Variants in CDC25A observed in about 807,000 individuals in gnomAD.
CDC25A encodes the protein cell division cycle 25A.
Under a neutral mutation model 64.6 loss-of-function variants are expected in CDC25A, and 17 were observed. That is an observed-to-expected ratio of 0.26 (90% CI 0.18 to 0.39). The LOEUF (loss-of-function observed/expected upper bound fraction) is 0.39, where lower values mean the gene tolerates loss of function less well. Ranked by LOEUF, CDC25A falls within the 10% of genes least tolerant of loss-of-function variation. The probability of loss-of-function intolerance (pLI) is 1.00; values close to 1 mark genes in which losing one functional copy is unlikely to be tolerated. For synonymous variants in CDC25A, 229 were observed against 238.6 expected, an observed-to-expected ratio of 0.96 and a Z score of 0.37; for missense variants, 473 against 654.8, an observed-to-expected ratio of 0.72 and a Z score of 3.03.
chr3:48,164,291 T>C lies in CDC25A; in HGVS notation c.1322+16A>G. 6.5e-7 allele frequency: 1 copy of C among 1,540,516 alleles called. No individual in the cohort carries two copies. The highest frequency in any genetic ancestry group is 8.7e-7 in the Non-Finnish European group (1 of 1,148,560). ...TGGAGCCTGTGCCCCAGAACCCAGT[T>C]CCGTGCAGCACTCACATGCGGGGAC... On this transcript the variant is annotated intron_variant, in intron 13 of 14. Transcript: ENST00000302506.
intron 13 of CDC25A, among the ~76,000 whole-genome samples, chr3:48,159,772 C>T (rs1444949396): frequency 6.6e-6 from 1 of 152,176 alleles, no homozygotes; most frequent in Admixed American, 6.6e-5. Flanking sequence ...CTTGCTTTCT[C>T]CACCCCAGCC....
rs750259419 is a variant in CDC25A, at chr3:48,165,916, T to C, written c.1030-23A>G. 8.3e-6 allele frequency: 12 copies of C among 1,439,438 alleles called. No individual in the cohort carries two copies. The Admixed American group carries it at 1.9e-4, about 22-fold the overall frequency. 89.2% of individuals were successfully genotyped at this position (1,439,438 alleles called of 1,614,324 possible). On this transcript the variant is annotated intron_variant, in intron 10 of 14. Transcript: ENST00000302506. ...ACCCTTAAAAAGAAAAAAAGATACT[T>C]AGAGAATCTGAAAGCCTATATATTA...
At chr3:48,187,494 A>G (rs1409854224) in intron 1 of CDC25A, among the ~76,000 whole-genome samples, 1 of 152,230 alleles carries the variant, frequency 6.6e-6, no homozygotes, top group Non-Finnish European at 1.5e-5. Flanking sequence ...AGGGATAGAG[A>G]TAGAAGGAGA....
rs1368986362 is a variant in CDC25A at position 48,165,910 on chromosome 3, G to A, written c.1030-17C>T. 3 of 1,468,294 alleles carry A rather than the reference G, an allele frequency of 2.0e-6. No individual in the cohort carries two copies. The highest frequency in any genetic ancestry group is 2.9e-6 in the Non-Finnish European group (3 of 1,048,570). 91.0% of individuals were successfully genotyped at this position (1,468,294 alleles called of 1,614,324 possible). A position where few individuals can be genotyped will look rare whatever the true frequency, so the allele number is the denominator to read the frequency against. On this transcript the variant is annotated splice_polypyrimidine_tract_variant and intron_variant, in intron 10 of 14. Transcript: ENST00000302506. ...GAGATAACCCTTAAAAAGAAAAAAA[G>A]ATACTTAGAGAATCTGAAAGCCTAT...
chr3:48,160,761 T>G (rs2031724571), intron 13 of CDC25A, among the ~76,000 whole-genome samples: 1 of 152,124 alleles, frequency 6.6e-6, no homozygotes, highest in Admixed American at 6.6e-5. Flanking sequence ...TCTGCTGATT[T>G]TCTCTTGAAG....
intron 2 of CDC25A, among the ~76,000 whole-genome samples, chr3:48,185,847 T>C (rs3731495): frequency 0.014 from 2,184 of 152,278 alleles, 52 homozygotes; most frequent in African/African-American, 0.05. Flanking sequence ...CAGCCCTTGC[T>C]CACCACACTG....
At position 48,164,417 on chromosome 3, in the gene CDC25A, C is replaced by A; in HGVS notation, c.1212G>T (p.Met404Ile). The change falls in exon 13 of 15, where the codon ATG (methionine) becomes ATT (isoleucine). Residue 404 changes from methionine (M) to isoleucine (I), a missense_variant. Transcript: ENST00000302506. Reference protein sequence around the residue: ...GHIKGAVNLHMEEEVEDFLLK... With the variant: ...GHIKGAVNLHIEEEVEDFLLK... ...ATAAGAAGTCTTCAACCTCTTCTTC[C>A]ATGTGCAAGTTCACTGCACCCTGTG... 1 of 1,592,152 alleles carries A rather than the reference C, an allele frequency of 6.3e-7. No individual in the cohort carries two copies. Among genetic ancestry groups the A allele is most frequent in the Non-Finnish European group, 8.5e-7 (1 of 1,171,600 alleles).
intron 7 of CDC25A, 107 bp from the exon 8 acceptor site, chr3:48,177,549 G>C: frequency 1.2e-6 from 1 of 844,908 alleles, no homozygotes. Flanking sequence ...GGCCTGGATA[G>C]GAAGTATCCT....
At chr3:48,176,553 A>G (rs1559961624) in intron 8 of CDC25A, among the ~76,000 whole-genome samples, 1 of 146,690 alleles carries the variant, frequency 6.8e-6, no homozygotes, top group Non-Finnish European at 1.5e-5. Flanking sequence ...ATATATATAT[A>G]TATATAAAAT....
At chr3:48,186,809 A>G in intron 1 of CDC25A, 30 bp from the exon 2 acceptor site, 1 of 1,397,642 alleles carries the variant, frequency 7.2e-7, no homozygotes, top group Non-Finnish European at 1.0e-6. Context: ...ACCATGAATG[A>G]TTTATAGGAT....
In CDC25A at chr3:48,184,696, C is replaced by G. The variant is rs1280673086; in HGVS notation, c.248-1G>C. The G allele has an allele frequency of 6.3e-7, 1 of 1,579,710 alleles. No individual in the cohort carries two copies. The highest frequency in any genetic ancestry group is 2.2e-5 in the East Asian group (1 of 44,496). ...GGCCCAGGAGAATCTAGACAGAAAC[C>G]TATGGGGAAAAAAAAAACCTCTCAA... On this transcript the variant is annotated splice_acceptor_variant, in intron 2 of 14. Transcript: ENST00000302506. LOFTEE classifies it high-confidence loss of function.
intron 2 of CDC25A, among the ~76,000 whole-genome samples, chr3:48,186,248 G>A (rs1027785264): frequency 6.6e-6 from 1 of 152,148 alleles, no homozygotes; most frequent in Admixed American, 6.6e-5. Context: ...TTCATAAACA[G>A]CCACAAGGGC....
chr3:48,186,494 G>A (rs1363101515), intron 2 of CDC25A, among the ~76,000 whole-genome samples: 4 of 151,922 alleles, frequency 2.6e-5, no homozygotes, highest in Admixed American at 6.6e-5. Flanking sequence ...ACTTGAACCC[G>A]GGAGGTGGAG....
chr3:48,185,545 C>T (rs181052178), intron 2 of CDC25A, among the ~76,000 whole-genome samples: 14 of 151,982 alleles, frequency 9.2e-5, no homozygotes, highest in Admixed American at 7.9e-4. Flanking sequence ...GTAATTCCAG[C>T]TACTAGGGAA....
rs184401090 is a variant in CDC25A, at chr3:48,180,328, T to C, written c.549+393A>G. The C allele has an allele frequency of 4.2e-4, 65 of 156,348 alleles. 1 individual carries two copies. In the East Asian group the frequency reaches 6.8e-3, roughly 16 times the overall value. 9.7% of individuals were successfully genotyped at this position (156,348 alleles called of 1,614,324 possible). ...AAGACCAAGTTTTAAGTAAGAGATC[T>C]AGTGTTACGGCTCTTTTAAAATTTG... On this transcript the variant is annotated intron_variant, in intron 6 of 14. Transcript: ENST00000302506.
intron 8 of CDC25A, among the ~76,000 whole-genome samples, chr3:48,175,350 A>G (rs551089148): frequency 1.3e-5 from 2 of 152,280 alleles, no homozygotes; most frequent in East Asian, 1.9e-4. Flanking sequence ...AGGGAAGCCA[A>G]TCTGACCAGT....
chr3:48,184,047 C>A (rs1039240959), intron 3 of CDC25A, among the ~76,000 whole-genome samples: 1 of 152,054 alleles, frequency 6.6e-6, no homozygotes, highest in East Asian at 1.9e-4. Context: ...AAACCCATGT[C>A]TTTTCTTAAA....
intron 13 of CDC25A, among the ~76,000 whole-genome samples, chr3:48,159,950 C>T (rs545477328): frequency 6.6e-6 from 1 of 152,206 alleles, no homozygotes; most frequent in African/African-American, 2.4e-5. Context: ...TACTGCCTCG[C>T]CCTTGGTGAA....
chr3:48,157,273 T>A lies in CDC25A; in HGVS notation c.*1672A>T, dbSNP rs1427109582. On this transcript the variant is annotated 3_prime_UTR_variant, in exon 15 of 15. Transcript: ENST00000302506. ...CTGAAGGCCATCCCACCTTTCTCTT[T>A]AGGCAGTCAACCAACAGAATCTCTT... 6.6e-6 allele frequency: 1 copy of A among 152,254 alleles called. No homozygotes were observed. The highest frequency in any genetic ancestry group is 1.5e-5 in the Non-Finnish European group (1 of 68,048). The allele number at this position is 152,254 out of a possible 1,614,324, so 9.4% of individuals were successfully genotyped here. A position where few individuals can be genotyped will look rare whatever the true frequency, so the allele number is the denominator to read the frequency against.
Sources: allele counts gnomAD v4.1 joint callset (sites outside exome capture counted in the v4.1 genomes callset), GRCh38; gene constraint gnomAD v4.1.1; transcripts MANE v1.5; gene names NCBI Gene and HGNC (gene_info 2026-07-23, HGNC 2026-07-21).